BPIFC: variants seen among roughly 807,000 people sequenced by gnomAD.
BPIFC encodes BPI fold-containing family C protein.
In BPIFC, 60 loss-of-function variants were observed where a neutral mutation model predicts 57.6. That is an observed-to-expected ratio of 1.04 (90% CI 0.85 to 1.29). The LOEUF is 1.29. BPIFC is among the 50% of genes most tolerant of loss of function. The pLI, the probability that BPIFC is intolerant of heterozygous loss-of-function variation, is 0.00. For synonymous variants in BPIFC, 243 were observed against 224.5 expected (o/e 1.08, Z -0.74); for missense variants, 581 against 600.5 (o/e 0.97, Z 0.34).
rs1192989888 is a variant in BPIFC at position 32,415,666 on chromosome 22, G to A, written c.1401+249C>T. On this transcript the variant is annotated intron_variant, in intron 16 of 16. Coordinates refer to ENST00000300399, the MANE Select transcript of BPIFC (RefSeq NM_174932.3). The stretch of plus-strand genomic sequence containing the variant: ...ATAAGTAAAATAAAGCGTGCTAAGG[G>A]GCATCTTCTTATACTGTGGATTTGG... Among the ~76,000 whole-genome samples the A allele has an allele frequency of 3.9e-5, 6 of 152,252 alleles. No individual in the cohort carries two copies. The East Asian group carries it at 1.2e-3, about 29-fold the overall frequency.
chr22:32,435,968 A>G lies in BPIFC; in HGVS notation c.748-88T>C, dbSNP rs1023466837. 30 of 1,441,488 alleles carry G rather than the reference A, an allele frequency of 2.1e-5. No homozygotes were observed. The Admixed American group carries it at 3.0e-4, about 15-fold the overall frequency. 89.3% of individuals were successfully genotyped at this position (1,441,488 alleles called of 1,614,324 possible). On this transcript the variant is annotated intron_variant, in intron 9 of 16. Coordinates refer to ENST00000300399, the MANE Select transcript of BPIFC (RefSeq NM_174932.3). The stretch of plus-strand genomic sequence containing the variant: ...AGAAGATGGACCCTCTGAAGTCAGA[A>G]TAAGAATTCCAGAAGCTCGGGCCAG...
chr22:32,420,197 A>T (rs1933804542), intron 13 of BPIFC, among the ~76,000 whole-genome samples: 1 of 151,982 alleles, frequency 6.6e-6, no homozygotes, highest in Non-Finnish European at 1.5e-5. Flanking sequence ...GGGCACCTCT[A>T]GTCCCAGCTA....
intron 4 of BPIFC, among the ~76,000 whole-genome samples, chr22:32,449,787 T>C (rs958721380): frequency 6.6e-6 from 1 of 151,010 alleles, no homozygotes; most frequent in South Asian, 2.1e-4. Flanking sequence ...CGGGCTGGAG[T>C]GCAGTGGCAT....
chr22:32,436,825 C>T lies in BPIFC; in HGVS notation c.747+935G>A, dbSNP rs558487488. Among the ~76,000 whole-genome samples the T allele has an allele frequency of 3.9e-5, 6 of 152,264 alleles. No individual in the cohort carries two copies. In the South Asian group the frequency reaches 1.2e-3, roughly 32 times the overall value. On this transcript the variant is annotated intron_variant, in intron 9 of 16. Coordinates refer to ENST00000300399, the MANE Select transcript of BPIFC (RefSeq NM_174932.3). ...CAAATGGTTTAAGGCATTTTTGTAG[C>T]ATTTCTAGCACTGCTCTCATTAGCT...
Position 32,437,567 on chromosome 22 carries a change from T to C in BPIFC, c.747+193A>G, listed in dbSNP as rs183083259. ...CACCACACTGGCTAATTTTTTGTGT[T>C]TTTAGTAGAGACGGGGTTTCACCAT... is the stretch of plus-strand genomic sequence containing the variant. On this transcript the variant is annotated intron_variant, in intron 9 of 16. Transcript: ENST00000300399. 1.3e-3 allele frequency among the ~76,000 whole-genome samples: 197 copies of C among 152,230 alleles called. 2 individuals carry two copies. The highest frequency in any genetic ancestry group is 4.3e-3 in the African/African-American group (179 of 41,550).
intron 13 of BPIFC, among the ~76,000 whole-genome samples, chr22:32,423,627 T>C (rs1245027968): frequency 1.4e-5 from 2 of 141,236 alleles, no homozygotes; most frequent in African/African-American, 5.7e-5. Context: ...GTGTTGATGG[T>C]GGAGTTCAAT....
At chr22:32,438,123 A>G (rs1351030004) in intron 8 of BPIFC, among the ~76,000 whole-genome samples, 3 of 152,228 alleles carry the variant, frequency 2.0e-5, no homozygotes, top group South Asian at 4.1e-4. Flanking sequence ...TGCAGGGCAT[A>G]TGTTCCAAGA....
At chr22:32,439,389 T>C (rs139728762) in intron 8 of BPIFC, among the ~76,000 whole-genome samples, 14 of 152,070 alleles carry the variant, frequency 9.2e-5, no homozygotes, top group Non-Finnish European at 1.8e-4. Flanking sequence ...GTGCAGTGAC[T>C]CAGGGCTCAG....
At chr22:32,437,128 T>C (rs546351123) in intron 9 of BPIFC, among the ~76,000 whole-genome samples, 1 of 152,292 alleles carries the variant, frequency 6.6e-6, no homozygotes, top group East Asian at 1.9e-4. Flanking sequence ...TGTGTTTAGT[T>C]CCAATAAATG....
intron 9 of BPIFC, 118 bp from the exon 10 acceptor site, chr22:32,435,998 G>GA: frequency 8.7e-7 from 1 of 1,143,186 alleles, no homozygotes; most frequent in Non-Finnish European, 1.2e-6. Context: ...GGCCAGGTGT[G>GA]GTGGCTCACG....
In BPIFC at chr22:32,435,761, A is replaced by G; in HGVS notation, c.867T>C (p.Ser289=). The G allele has an allele frequency of 6.2e-7, 1 of 1,614,234 alleles. No homozygotes were observed. Among genetic ancestry groups the G allele is most frequent in the South Asian group, 1.1e-5 (1 of 91,078 alleles). The change falls in exon 10 of 17, where the codon TCT becomes TCC. Residue 289 remains serine (S), a synonymous_variant. Transcript: ENST00000300399. ...YIGIAEYFFK[S]ASFAHFTAGV... is the part of the protein sequence containing the mutation. Reference sequence around the variant, plus strand: ...CAGCTGTGAAATGAGCAAAGGACGCAGATTTAAAGAAATACTCGGCGATTC... The same window carrying G: ...CAGCTGTGAAATGAGCAAAGGACGCGGATTTAAAGAAATACTCGGCGATTC...
chr22:32,420,476 T>G (rs1444692640), intron 13 of BPIFC, among the ~76,000 whole-genome samples: 1 of 152,200 alleles, frequency 6.6e-6, no homozygotes, highest in African/African-American at 2.4e-5. Flanking sequence ...CACACCATTT[T>G]TTTAGCTGTT....
In BPIFC at chr22:32,446,047, G is replaced by C. The variant is rs377601551; in HGVS notation, c.375-51C>G. Reference sequence around the variant, plus strand: ...CAAGCCTGAGTCAGGCACAGAGATGGATCTTGTTTCTCTGATTACCCAGAG... The same window carrying C: ...CAAGCCTGAGTCAGGCACAGAGATGCATCTTGTTTCTCTGATTACCCAGAG... On this transcript the variant is annotated intron_variant, in intron 5 of 16. Transcript: ENST00000300399. 8.4e-4 allele frequency: 1,338 copies of C among 1,591,832 alleles called. 2 individuals carry two copies. Among genetic ancestry groups the C allele is most frequent in the Non-Finnish European group, 1.1e-3 (1,262 of 1,166,418 alleles).
Position 32,414,229 on chromosome 22 carries a change from C to A in BPIFC, c.*74G>T. On this transcript the variant is annotated 3_prime_UTR_variant, in exon 17 of 17. Transcript: ENST00000300399. ...GCTTTACAATTCCAGTGTGTACTGT[C>A]TTTCCCTTCTGGGTTTACAGTAGTT... is the stretch of plus-strand genomic sequence containing the variant. The A allele has an allele frequency of 6.4e-7, 1 of 1,568,808 alleles. No individual in the cohort carries two copies. Among genetic ancestry groups the A allele is most frequent in the Non-Finnish European group, 8.7e-7 (1 of 1,155,186 alleles).
intron 2 of BPIFC, 95 bp from the exon 3 acceptor site, chr22:32,457,481 T>C: frequency 6.9e-7 from 1 of 1,444,946 alleles, no homozygotes; most frequent in Non-Finnish European, 9.4e-7. Flanking sequence ...ATTTTTACTG[T>C]TTACTTCCAG....
At chr22:32,455,467 G>T (rs753196421) in intron 3 of BPIFC, among the ~76,000 whole-genome samples, 4 of 152,164 alleles carry the variant, frequency 2.6e-5, no homozygotes, top group Non-Finnish European at 5.9e-5. Flanking sequence ...TTTGTATTGA[G>T]TGCCTGTCTA....
chr22:32,427,618 C>T (rs938186587), intron 13 of BPIFC, among the ~76,000 whole-genome samples: 11 of 152,164 alleles, frequency 7.2e-5, no homozygotes, highest in South Asian at 4.1e-4. Context: ...TCCTTCCTTC[C>T]GCTCGTGGCC....
rs1350126199 is a variant in BPIFC, at chr22:32,437,765, A to T, written c.742T>A (p.Leu248Met). 3.8e-6 allele frequency: 6 copies of T among 1,591,706 alleles called. No homozygotes were observed. The highest frequency in any genetic ancestry group is 1.3e-5 in the African/African-American group (1 of 74,418). Residue 248 changes from leucine (L) to methionine (M), a missense_variant, in exon 9 of 17, where the codon TTG becomes ATG. Coordinates refer to ENST00000300399, the MANE Select transcript of BPIFC (RefSeq NM_174932.3). ...TCTGATGATGATAAAGTTACCTTCA[A>T]GTTCAGGTCAAGGTAGTTCTCAGTA... ...EITENYLDLN[L>M]KGVFYPLENL...
At chr22:32,429,163 A>G (rs1036681337) in intron 13 of BPIFC, among the ~76,000 whole-genome samples, 7 of 151,670 alleles carry the variant, frequency 4.6e-5, no homozygotes, top group African/African-American at 1.2e-4. Context: ...TCCATTTAAC[A>G]TAATTTTCTT....
Sources: gnomAD v4.1 joint callset for allele counts (sites outside exome capture counted in the v4.1 genomes callset) on GRCh38, gnomAD v4.1.1 for gene constraint, MANE v1.5 for transcripts, NCBI Gene and HGNC (gene_info 2026-07-23, HGNC 2026-07-21) for gene names.